ITGB4: variants seen among roughly 807,000 people sequenced by gnomAD.
ITGB4 encodes the protein integrin beta-4.
A neutral mutation model predicts 207.6 loss-of-function variants in ITGB4; 159 were observed. The ratio of observed to expected loss-of-function variants is 0.77; its 90% CI spans 0.67 to 0.87. The LOEUF (loss-of-function observed/expected upper bound fraction) is 0.87. Among genes scored for constraint, ITGB4 ranks in the 40% least tolerant of loss-of-function variants. The pLI is 0.00. For synonymous variants in ITGB4, 1,020 were observed against 1,062.7 expected, an observed-to-expected ratio of 0.96 and a Z score of 0.78; for missense variants, 2,278 against 2,546.8, an observed-to-expected ratio of 0.89 and a Z score of 2.27.
At chr17:75,733,349 G>T (rs1273586808) in intron 12 of ITGB4, 141 bp from the exon 13 acceptor site, 6 of 593,314 alleles carry the variant, frequency 1.0e-5, no homozygotes, top group African/African-American at 1.9e-5. Context: ...TCGCGCCACT[G>T]CACTCCAGCC....
In ITGB4 at chr17:75,748,850, C is replaced by A; in HGVS notation, c.3121C>A (p.Pro1041Thr). The A allele has an allele frequency of 6.2e-7, 1 of 1,609,922 alleles. No homozygotes were observed. The change falls in exon 27 of 40, where the codon CCC (proline) becomes ACC (threonine). Residue 1041 changes from proline (P) to threonine (T), a missense_variant. Transcript: ENST00000200181. ...GTAQGNRDYI[P>T]VEGELLFQPG... ...CCCCCTCCACTCCCAGGACTACATC[C>A]CCGTGGAGGGTGAGCTGCTGTTCCA...
intron 2 of ITGB4, among the ~76,000 whole-genome samples, chr17:75,725,566 G>A (rs1021796074): frequency 1.1e-4 from 16 of 151,986 alleles, no homozygotes; most frequent in African/African-American, 3.1e-4. Context: ...TTCCTACCTC[G>A]GCTTCCCAAA....
rs554687529 is a variant in ITGB4, at chr17:75,754,954, G to A, written c.4558+139G>A. The A allele has an allele frequency of 8.3e-5, 105 of 1,260,860 alleles. 1 individual carries two copies. The African/African-American group carries it at 1.5e-3, about 18-fold the overall frequency. The allele number at this position is 1,260,860 out of a possible 1,614,324, so 78.1% of individuals were successfully genotyped here. On this transcript the variant is annotated intron_variant, in intron 34 of 39. Coordinates refer to ENST00000200181, the MANE Select transcript of ITGB4 (RefSeq NM_000213.5). ...CGCATGCACACATGCACGCACACAC[G>A]TGCACACGCATGCACACATGTACAC...
At chr17:75,754,044 G>T in intron 33 of ITGB4, 70 bp downstream of exon 33, 1 of 719,268 alleles carries the variant, frequency 1.4e-6, no homozygotes, top group Non-Finnish European at 1.9e-6. Context: ...GGCCTGGGGT[G>T]GGCGTCTGCG....
intron 25 of ITGB4, among the ~76,000 whole-genome samples, chr17:75,743,406 T>C (rs184798924): frequency 1.5e-3 from 228 of 152,298 alleles, no homozygotes; most frequent in African/African-American, 5.1e-3. Flanking sequence ...CTAATTTTTC[T>C]ATCTTTAGTA....
chr17:75,753,731 G>A (rs2061421423), intron 32 of ITGB4, 34 bp from the exon 33 acceptor site: 3 of 1,353,968 alleles, frequency 2.2e-6, no homozygotes, highest in Non-Finnish European at 2.9e-6. Context: ...GGCGCCCCCC[G>A]GCGGTGCCAA....
In ITGB4 at chr17:75,750,097, A is replaced by G. The variant is rs2061332726; in HGVS notation, c.3317-14A>G. 1 of 1,613,400 alleles carries G rather than the reference A, an allele frequency of 6.2e-7. No individual in the cohort carries two copies. The highest frequency in any genetic ancestry group is 8.5e-7 in the Non-Finnish European group (1 of 1,179,994). ...GGATCTGAGTGGTTGCCCGGCCCCA[A>G]CCTGACCCGTTAGATGAACTGGACC... On this transcript the variant is annotated splice_polypyrimidine_tract_variant and intron_variant, in intron 27 of 39. Coordinates refer to ENST00000200181, the MANE Select transcript of ITGB4 (RefSeq NM_000213.5). The surrounding 1 kb of genome is among the most constrained non-coding windows in gnomAD (Gnocchi z 5.5).
Position 75,753,795 on chromosome 17 carries a change from G to A in ITGB4, c.4139G>A (p.Gly1380Glu). The change falls in exon 33 of 40, where the codon GGG (glycine) becomes GAG (glutamate). Residue 1380 changes from glycine (G) to glutamate (E), a missense_variant. Coordinates refer to ENST00000200181, the MANE Select transcript of ITGB4 (RefSeq NM_000213.5). ...GCGWKFEPLLGEELDLRRVTW... is the reference protein window; with the variant it reads ...GCGWKFEPLLEEELDLRRVTW... ...GGCTGGAAGTTCGAGCCCCTGCTGG[G>A]GGAGGAGCTGGACCTGCGGCGCGTC... The A allele has an allele frequency of 6.8e-7, 1 of 1,460,316 alleles. No homozygotes were observed. Among genetic ancestry groups the A allele is most frequent in the Non-Finnish European group, 9.0e-7 (1 of 1,106,226 alleles). 90.5% of individuals were successfully genotyped at this position (1,460,316 alleles called of 1,614,324 possible).
intron 1 of ITGB4, among the ~76,000 whole-genome samples, chr17:75,724,189 GC>G (rs1356329455): frequency 1.3e-5 from 2 of 152,188 alleles, no homozygotes; most frequent in Non-Finnish European, 2.9e-5. Context: ...CTGTGGCCCA[GC>G]CCCAGGCCCC....
chr17:75,726,481 C>T (rs2060719116), intron 2 of ITGB4, among the ~76,000 whole-genome samples: 1 of 151,896 alleles, frequency 6.6e-6, no homozygotes, highest in African/African-American at 2.4e-5. Flanking sequence ...CCTGTAATCC[C>T]AGCACTTTGG....
chr17:75,726,451 G>A (rs559612557), intron 2 of ITGB4, among the ~76,000 whole-genome samples: 1 of 150,460 alleles, frequency 6.6e-6, no homozygotes, highest in African/African-American at 2.4e-5. Context: ...TGAAATGCAG[G>A]TTGGGCACAG....
Position 75,755,707 on chromosome 17 carries a change from G to C in ITGB4, c.4565G>C (p.Arg1522Pro). ...TLTSVSSHDSRLTAGVPDTPT... is the reference protein window; with the variant it reads ...TLTSVSSHDSPLTAGVPDTPT... ...TGCGGCCTCCTGTCCCCAGACTCTC[G>C]CCTGACTGCTGGTGTGCCCGACACG... Residue 1522 changes from arginine (R) to proline (P), a missense_variant, in exon 35 of 40, where the codon CGC (arginine) becomes CCC (proline). Arg to Pro is a moderately radical substitution (Grantham distance 103). Transcript: ENST00000200181. 2 of 1,612,822 alleles carry C rather than the reference G, an allele frequency of 1.2e-6. No homozygotes were observed. The highest frequency in any genetic ancestry group is 1.1e-5 in the South Asian group (1 of 91,078).
In ITGB4 at chr17:75,750,103, C is replaced by G; in HGVS notation, c.3317-8C>G. ...GAGTGGTTGCCCGGCCCCAACCTGA[C>G]CCGTTAGATGAACTGGACCGGAGCT... On this transcript the variant is annotated splice_polypyrimidine_tract_variant and splice_region_variant and intron_variant, in intron 27 of 39. Transcript: ENST00000200181. This position sits in a 1 kb window ranked among gnomAD's most constrained non-coding sequence, Gnocchi z 5.5. The G allele has an allele frequency of 6.2e-7, 1 of 1,613,540 alleles. No individual in the cohort carries two copies. Among genetic ancestry groups the G allele is most frequent in the South Asian group, 1.1e-5 (1 of 91,076 alleles).
At position 75,740,927 on chromosome 17, in the gene ITGB4, A is replaced by T. The variant is rs900079686; in HGVS notation, c.2610-55A>T. 1 of 1,613,458 alleles carries T rather than the reference A, an allele frequency of 6.2e-7. No individual in the cohort carries two copies. Among genetic ancestry groups the T allele is most frequent in the Non-Finnish European group, 8.5e-7 (1 of 1,179,722 alleles). On this transcript the variant is annotated intron_variant, in intron 22 of 39. Transcript: ENST00000200181. The surrounding 1 kb of genome is among the most constrained non-coding windows in gnomAD (Gnocchi z 5.9). ...TCCAGGAGCCGAAGCCCCCAGGCCG[A>T]TCAGGCCTCCACTTCAGGGCTATCT...
Position 75,740,611 on chromosome 17 carries a change from G to A in ITGB4, c.2550+150G>A. On this transcript the variant is annotated intron_variant, in intron 21 of 39. Coordinates refer to ENST00000200181, the MANE Select transcript of ITGB4 (RefSeq NM_000213.5). The surrounding 1 kb of genome is among the most constrained non-coding windows in gnomAD (Gnocchi z 5.9). ...CCTGTGCCTGGCAGGGGGCATCCTG[G>A]GATCTGTTTCCAGAGGGCAGAAGGC... 1.0e-6 allele frequency: 1 copy of A among 956,306 alleles called. No homozygotes were observed. The highest frequency in any genetic ancestry group is 2.5e-5 in the East Asian group (1 of 39,314). The allele number at this position is 956,306 out of a possible 1,614,324, so 59.2% of individuals were successfully genotyped here.
At position 75,739,725 on chromosome 17, in the gene ITGB4, G is replaced by C. The variant is rs762961171; in HGVS notation, c.2254+20G>C. On this transcript the variant is annotated intron_variant, in intron 19 of 39. Transcript: ENST00000200181. The surrounding 1 kb of genome is among the most constrained non-coding windows in gnomAD (Gnocchi z 5.4). ...ACCGAGGTATGGGCCTGGCATCGCA[G>C]GGGCAGCAGGGGCTCTGACTGCTCT... The C allele has an allele frequency of 1.9e-6, 3 of 1,613,924 alleles. No individual in the cohort carries two copies. The African/African-American group carries it at 4.0e-5, about 22-fold the overall frequency.
chr17:75,754,895 C>A, intron 34 of ITGB4, 80 bp downstream of exon 34: 1 of 1,592,004 alleles, frequency 6.3e-7, no homozygotes, highest in African/African-American at 1.3e-5. Flanking sequence ...CTTCTGTCTG[C>A]TGTCCCCACC....
intron 26 of ITGB4, among the ~76,000 whole-genome samples, chr17:75,745,963 C>T (rs895405427): frequency 6.6e-6 from 1 of 152,220 alleles, no homozygotes; most frequent in Non-Finnish European, 1.5e-5. Flanking sequence ...CATAGGGGAG[C>T]GCGTAGTCAG....
chr17:75,728,419 T>C lies in ITGB4; in HGVS notation c.512T>C (p.Phe171Ser), dbSNP rs1384877197. The C allele has an allele frequency of 6.2e-7, 1 of 1,614,148 alleles. No homozygotes were observed. The highest frequency in any genetic ancestry group is 1.7e-5 in the Admixed American group (1 of 60,028). ...SQLTSDYTIG[F>S]GKFVDKVSVP... ...CTCACCAGCGACTACACTATTGGAT[T>C]TGGCAAGTTTGTGGACAAAGTCAGC... The change falls in exon 6 of 40, where the codon TTT becomes TCT. Residue 171 changes from phenylalanine (F) to serine (S), a missense_variant. Phe to Ser is a radical substitution (Grantham distance 155). Transcript: ENST00000200181.
Sources: gnomAD v4.1 joint callset for allele counts (sites outside exome capture counted in the v4.1 genomes callset) on GRCh38, gnomAD v4.1.1 for gene constraint, Gnocchi (gnomAD v3.1) non-coding constraint, MANE v1.5 for transcripts, NCBI Gene and HGNC (gene_info 2026-07-23, HGNC 2026-07-21) for gene names.